The following NT5DC4 variants were observed in gnomAD, a reference collection of about 807,000 sequenced individuals.
The protein encoded by NT5DC4 is 5'-nucleotidase domain containing 4, also known as 5'-nucleotidase domain-containing protein 4.
NT5DC4 carries 44 observed loss-of-function variants against 26.6 expected under a neutral mutation model. The ratio of observed to expected loss-of-function variants is 1.65; its 90% CI spans 1.30 to 2.13. The LOEUF (loss-of-function observed/expected upper bound fraction) is 2.13, where lower values mean the gene tolerates loss of function less well. NT5DC4 is among the 30% of genes most tolerant of loss of function. NT5DC4 has a pLI of 0.00. For synonymous variants in NT5DC4, 157 were observed against 86.7 expected (o/e 1.81, Z -4.51); for missense variants, 399 against 228.1 (o/e 1.75, Z -4.83).
At chr2:112,731,917 CTT>C (rs749249208) in intron 16 of NT5DC4, among the ~76,000 whole-genome samples, 9 of 108,632 alleles carry the variant, frequency 8.3e-5, no homozygotes, top group African/African-American at 1.1e-4. Flanking sequence ...AGAGAGTTTA[CTT>C]TTTTTTTTTT....
At chr2:112,740,204 G>T (rs914014141), downstream of NT5DC4, among the ~76,000 whole-genome samples, 1 of 152,172 alleles carries the variant, frequency 6.6e-6, no homozygotes, top group African/African-American at 2.4e-5. Context: ...GTGGGAAAAT[G>T]GTGTGTGTCA....
rs1236142807 is a variant in NT5DC4 at position 112,722,739 on chromosome 2, G to A, written c.495G>A (p.Val165=). Residue 165 remains valine (V), a synonymous_variant, in exon 6 of 17, where the codon GTG becomes GTA. Coordinates refer to ENST00000688554, the MANE Select transcript of NT5DC4 (RefSeq NM_001393655.1). Reference sequence around the variant, plus strand: ...AAACCTACCTCTATGCCTGCTTGGTGGACTTCTTCTCTGGCTGCTCCCGTT... The same window carrying A: ...AAACCTACCTCTATGCCTGCTTGGTAGACTTCTTCTCTGGCTGCTCCCGTT... ...LPETYLYACL[V]DFFSGCSRYT... is the part of the protein sequence containing the mutation. 1.4e-6 allele frequency: 1 copy of A among 717,674 alleles called. No individual in the cohort carries two copies. Among genetic ancestry groups the A allele is most frequent in the East Asian group, 2.7e-5 (1 of 37,270 alleles). The allele number at this position is 717,674 out of a possible 1,614,324, so 44.5% of individuals were successfully genotyped here.
In NT5DC4 at chr2:112,731,377, A is replaced by C. The variant is rs571821549; in HGVS notation, c.1344+1673A>C. 4.6e-5 allele frequency: 7 copies of C among 152,182 alleles called. No homozygotes were observed. The East Asian group carries it at 1.2e-3, about 25-fold the overall frequency. 9.4% of individuals were successfully genotyped at this position (152,182 alleles called of 1,614,324 possible). ...GAAATTATTTTACCTACTTCTCTTG[A>C]ACGCATGATGTCTCATATCCAATTT... On this transcript the variant is annotated intron_variant, in intron 16 of 16. Transcript: ENST00000688554.
chr2:112,738,797 CCT>C, intron 16 of NT5DC4, 114 bp from the exon 17 acceptor site: 1 of 1,475,050 alleles, frequency 6.8e-7, no homozygotes, highest in South Asian at 1.1e-5. Context: ...TTCTGAAACA[CCT>C]TTTTTAAAAA....
chr2:112,721,905 G>A lies in NT5DC4; in HGVS notation c.148+14G>A. 1 of 717,410 alleles carries A rather than the reference G, an allele frequency of 1.4e-6. No individual in the cohort carries two copies. The highest frequency in any genetic ancestry group is 1.5e-5 in the South Asian group (1 of 67,598). 44.4% of individuals were successfully genotyped at this position (717,410 alleles called of 1,614,324 possible). ...ACACTCTGGCTGGTAGAGAGGGCTG[G>A]AACACAGCGTATTGGGAGCTGGAGG... is the stretch of plus-strand genomic sequence containing the variant. On this transcript the variant is annotated intron_variant, in intron 2 of 16. Transcript: ENST00000688554.
chr2:112,735,892 A>G (rs559130276), intron 16 of NT5DC4, among the ~76,000 whole-genome samples: 21 of 152,296 alleles, frequency 1.4e-4, no homozygotes, highest in African/African-American at 4.8e-4. Flanking sequence ...CTACACTGTT[A>G]TTGTTGGTAC....
chr2:112,731,662 T>C (rs1032424033), intron 16 of NT5DC4: 3 of 152,234 alleles, frequency 2.0e-5, no homozygotes, highest in Admixed American at 2.0e-4. Flanking sequence ...GGTATTAAAG[T>C]GCTGAAGCAT....
intron 11 of NT5DC4, 97 bp downstream of exon 11, chr2:112,725,003 G>A (rs558272737): frequency 1.5e-6 from 1 of 673,242 alleles, no homozygotes; most frequent in African/African-American, 1.8e-5. Context: ...CTGCTGGCCT[G>A]TCTGTCCCTG....
chr2:112,737,222 G>A (rs1574300648), intron 16 of NT5DC4: 1 of 152,090 alleles, frequency 6.6e-6, no homozygotes, highest in African/African-American at 2.4e-5. Flanking sequence ...CCCAGCTGGT[G>A]ATTTCATCTT....
At chr2:112,728,667 GA>G (rs778042371) in intron 15 of NT5DC4, among the ~76,000 whole-genome samples, 23 of 152,326 alleles carry the variant, frequency 1.5e-4, no homozygotes, top group Middle Eastern at 3.4e-3. Flanking sequence ...ACCATTTATT[GA>G]GTGTCTGCTG....
chr2:112,730,811 C>T (rs1013380737), intron 16 of NT5DC4, among the ~76,000 whole-genome samples: 1 of 152,192 alleles, frequency 6.6e-6, no homozygotes, highest in Admixed American at 6.5e-5. Flanking sequence ...TACTTCATTC[C>T]TGCCTAGGAG....
chr2:112,721,996 C>T lies in NT5DC4; in HGVS notation c.159C>T (p.Ser53=), dbSNP rs200414174. 1,593 of 717,282 alleles carry T rather than the reference C, an allele frequency of 2.2e-3. 3 individuals are homozygous for T. Among genetic ancestry groups the T allele is most frequent in the Non-Finnish European group, 3.2e-3 (1,220 of 385,086 alleles). The allele number at this position is 717,282 out of a possible 1,614,324, so 44.4% of individuals were successfully genotyped here. A position where few individuals can be genotyped will look rare whatever the true frequency, so the allele number is the denominator to read the frequency against. The change falls in exon 3 of 17, where the codon TCC becomes TCT. Residue 53 remains serine, a synonymous_variant. Transcript: ENST00000688554. ...DMDYTLAAYK[S]PAYEALTFEL... ...TCCGGGCCTCTGCAGCCTACAAGTC[C>T]CCAGCTTATGAGGCCCTGACCTTCG...
chr2:112,726,705 G>C lies in NT5DC4; in HGVS notation c.1233G>C (p.Leu411=). Residue 411 remains leucine, a synonymous_variant, in exon 15 of 17, where the codon CTG becomes CTC. Coordinates refer to ENST00000688554, the MANE Select transcript of NT5DC4 (RefSeq NM_001393655.1). Reference sequence around the variant, plus strand: ...ACATGGATGGGAGCAGTTGTGAGCTGCAAGTCATCAACTTCACCAAGAGAG... The same window carrying C: ...ACATGGATGGGAGCAGTTGTGAGCTCCAAGTCATCAACTTCACCAAGAGAG... ...YQHMDGSSCE[L]QVINFTKREI... The C allele has an allele frequency of 1.4e-6, 1 of 717,560 alleles. No individual in the cohort carries two copies. The highest frequency in any genetic ancestry group is 2.6e-6 in the Non-Finnish European group (1 of 385,100). The allele number at this position is 717,560 out of a possible 1,614,324, so 44.4% of individuals were successfully genotyped here.
chr2:112,741,940 GTTTTTTTTTT>G (rs57634251), downstream of NT5DC4, among the ~76,000 whole-genome samples: 5 of 71,900 alleles, frequency 7.0e-5, no homozygotes, highest in African/African-American at 1.1e-4. Context: ...TTTCTTTTCT[GTTTTTTTTTT>G]TTTTTTTTTT....
downstream of NT5DC4, among the ~76,000 whole-genome samples, chr2:112,740,517 C>G (rs1318430045): frequency 6.6e-6 from 1 of 152,242 alleles, no homozygotes; most frequent in Non-Finnish European, 1.5e-5. Flanking sequence ...TTTTCTCCCA[C>G]AGCTACAGAG....
intron 1 of NT5DC4, 45 bp from the exon 2 acceptor site, chr2:112,721,773 G>A (rs1210580859): frequency 2.8e-6 from 2 of 716,928 alleles, no homozygotes; most frequent in Admixed American, 2.0e-5. Context: ...CTTGGATTCT[G>A]GGGGGCTGGT....
chr2:112,719,479 G>GCCT (rs1676623375), upstream of NT5DC4, among the ~76,000 whole-genome samples: 2 of 95,002 alleles, frequency 2.1e-5, no homozygotes, highest in Non-Finnish European at 4.5e-5. Context: ...AAACTTGTCT[G>GCCT]TCTTTTTTTT....
chr2:112,732,116 G>A (rs1052838552), intron 16 of NT5DC4, among the ~76,000 whole-genome samples: 36 of 151,904 alleles, frequency 2.4e-4, no homozygotes. Context: ...TCACCATGTT[G>A]GCCAGGCTGG....
chr2:112,742,234 AAT>A (rs1680022842), downstream of NT5DC4, among the ~76,000 whole-genome samples: 2 of 152,244 alleles, frequency 1.3e-5, no homozygotes, highest in African/African-American at 4.8e-5. Flanking sequence ...TGTTTGGCAC[AAT>A]ATATGTCTCA....
Sources: gnomAD v4.1 joint callset for allele counts (sites outside exome capture counted in the v4.1 genomes callset) on GRCh38, gnomAD v4.1.1 for gene constraint, MANE v1.5 for transcripts, NCBI Gene and HGNC (gene_info 2026-07-23, HGNC 2026-07-21) for gene names.